VPS8: variants seen among roughly 807,000 people sequenced by gnomAD.
VPS8 encodes the protein VPS8 subunit of CORVET complex.
VPS8 carries 129 observed loss-of-function variants against 216.4 expected under a neutral mutation model. The observed-to-expected ratio is 0.60, with a 90% confidence interval of 0.52 to 0.69. VPS8 has a LOEUF of 0.69. Among genes scored for constraint, VPS8 ranks in the 30% least tolerant of loss-of-function variants. The probability of loss-of-function intolerance (pLI) is 0.00; values close to 1 mark genes in which losing one functional copy is unlikely to be tolerated. For synonymous variants in VPS8, 571 were observed against 565.4 expected (o/e 1.01, Z -0.14); for missense variants, 1,531 against 1,683.5 (o/e 0.91, Z 1.59).
intron 1 of VPS8, among the ~76,000 whole-genome samples, chr3:184,820,446 C>G (rs59668850): frequency 0.034 from 5,209 of 152,244 alleles, 282 homozygotes; most frequent in African/African-American, 0.12. Context: ...CCCAAATCAT[C>G]CGGAATAACC....
At chr3:184,871,059 G>T (rs923473478) in intron 21 of VPS8, among the ~76,000 whole-genome samples, 3 of 152,056 alleles carry the variant, frequency 2.0e-5, no homozygotes, top group African/African-American at 7.2e-5. Flanking sequence ...TACGTGTGAA[G>T]ATCCTTTGCT....
At chr3:184,953,498 T>A (rs1215320574) in intron 36 of VPS8, among the ~76,000 whole-genome samples, 1 of 152,168 alleles carries the variant, frequency 6.6e-6, no homozygotes, top group Admixed American at 6.5e-5. Flanking sequence ...GGCGTGACTC[T>A]CTTCAGACCC....
intron 25 of VPS8, among the ~76,000 whole-genome samples, chr3:184,906,437 T>C (rs2109022564): frequency 6.6e-6 from 1 of 152,346 alleles, no homozygotes; most frequent in Non-Finnish European, 1.5e-5. Context: ...GATATCCGTG[T>C]AGGGAAATTT....
intron 45 of VPS8, among the ~76,000 whole-genome samples, chr3:185,019,650 G>A (rs1756360074): frequency 6.6e-6 from 1 of 152,226 alleles, no homozygotes. Flanking sequence ...TTTCCACCCT[G>A]GGTGGGCCAG....
In VPS8 at chr3:184,863,065, C is replaced by T; in HGVS notation, c.1393C>T (p.Leu465=). 6.2e-7 allele frequency: 1 copy of T among 1,613,690 alleles called. No homozygotes were observed. The highest frequency in any genetic ancestry group is 8.5e-7 in the Non-Finnish European group (1 of 1,179,720). The part of the protein sequence containing the change: ...LATGGNVSQA[L]ALVGEKACYQ... Reference sequence around the variant, plus strand: ...CACTGGAGGAAATGTTAGCCAGGCACTGGTAAGGATAATCACTTATCTTGC... The same window carrying T: ...CACTGGAGGAAATGTTAGCCAGGCATTGGTAAGGATAATCACTTATCTTGC... Residue 465 remains leucine (L), a splice_region_variant and synonymous_variant, in exon 16 of 48, where the codon CTG becomes TTG. Transcript: ENST00000625842.
chr3:185,027,911 T>G (rs1757615700), intron 46 of VPS8, among the ~76,000 whole-genome samples: 1 of 152,214 alleles, frequency 6.6e-6, no homozygotes, highest in South Asian at 2.1e-4. Flanking sequence ...CTTGGGACTA[T>G]CTCTAAAATA....
chr3:184,847,420 A>G (rs544755522), intron 8 of VPS8, among the ~76,000 whole-genome samples: 5 of 152,232 alleles, frequency 3.3e-5, no homozygotes, highest in Non-Finnish European at 5.9e-5. Context: ...AGCTATTCAG[A>G]TGATTGTCAG....
At chr3:184,886,055 G>A (rs752810224) in intron 21 of VPS8, 55 bp from the exon 22 acceptor site, 30 of 1,561,808 alleles carry the variant, frequency 1.9e-5, no homozygotes, top group Non-Finnish European at 2.6e-6. Flanking sequence ...GTCATTATCA[G>A]TGGACCACTG....
chr3:184,825,831 G>T (rs571544263), intron 2 of VPS8, among the ~76,000 whole-genome samples: 1 of 152,038 alleles, frequency 6.6e-6, no homozygotes, highest in South Asian at 2.1e-4. Context: ...AACCCGGGAG[G>T]TGGAGGTTGC....
In VPS8 at chr3:185,047,633, C is replaced by T. The variant is rs149358826; in HGVS notation, c.4057-846C>T. ...ATCTCTGAATTGTAAGAAAAGCTAGCGTATACTGAGCCCTCGCCTGGTACT... is the reference window on the plus strand; with the variant it reads ...ATCTCTGAATTGTAAGAAAAGCTAGTGTATACTGAGCCCTCGCCTGGTACT... On this transcript the variant is annotated intron_variant, in intron 46 of 47. Transcript: ENST00000625842. Among the ~76,000 whole-genome samples, 36 of 152,240 alleles carry T rather than the reference C, an allele frequency of 2.4e-4. No individual in the cohort carries two copies. The East Asian group carries it at 5.6e-3, about 24-fold the overall frequency.
At chr3:185,008,947 C>T (rs954851282) in intron 45 of VPS8, among the ~76,000 whole-genome samples, 1 of 152,124 alleles carries the variant, frequency 6.6e-6, no homozygotes, top group African/African-American at 2.4e-5. Context: ...TGAGGGAAAC[C>T]TACTTTAGAT....
At chr3:184,932,729 A>G (rs1740900250) in intron 34 of VPS8, among the ~76,000 whole-genome samples, 1 of 152,178 alleles carries the variant, frequency 6.6e-6, no homozygotes. Flanking sequence ...ATGAAATCAT[A>G]CTTTATTTTC....
intron 40 of VPS8, among the ~76,000 whole-genome samples, chr3:184,977,357 CA>C (rs1749446118): frequency 1.3e-5 from 2 of 152,094 alleles, no homozygotes; most frequent in African/African-American, 4.8e-5. Context: ...AGATATTAGA[CA>C]TTTGTCAGAT....
chr3:184,919,368 C>T (rs1204932342), intron 28 of VPS8, among the ~76,000 whole-genome samples: 1 of 152,204 alleles, frequency 6.6e-6, no homozygotes, highest in Admixed American at 6.5e-5. Context: ...TTAAGTCTTT[C>T]ATCATTCTTA....
intron 36 of VPS8, among the ~76,000 whole-genome samples, chr3:184,941,510 G>A (rs2109330895): frequency 6.6e-6 from 1 of 150,666 alleles, no homozygotes; most frequent in Admixed American, 6.6e-5. Flanking sequence ...ATTAACTGAT[G>A]GAAAGATTTT....
intron 7 of VPS8, 135 bp downstream of exon 7, chr3:184,839,887 G>A (rs2108591318): frequency 7.1e-7 from 1 of 1,411,662 alleles, no homozygotes; most frequent in African/African-American, 1.5e-5. Context: ...GTAGCAGTCA[G>A]TATTTTTATA....
intron 10 of VPS8, among the ~76,000 whole-genome samples, chr3:184,851,482 T>TGTGC (rs1553837036): frequency 1.5e-4 from 23 of 152,148 alleles, no homozygotes; most frequent in Admixed American, 3.9e-4. Context: ...TGTGTGTGTG[T>TGTGC]GCGTTTATAT....
intron 21 of VPS8, among the ~76,000 whole-genome samples, chr3:184,883,253 C>G (rs920502272): frequency 6.6e-6 from 1 of 152,136 alleles, no homozygotes; most frequent in African/African-American, 2.4e-5. Flanking sequence ...TTTCATCTCA[C>G]TCTATTGTCC....
intron 21 of VPS8, among the ~76,000 whole-genome samples, chr3:184,872,290 G>T (rs1013661199): frequency 4.6e-5 from 7 of 152,084 alleles, no homozygotes; most frequent in African/African-American, 1.7e-4. Context: ...GTGTATGTGT[G>T]TGTGGAGAAT....
Sources: gnomAD v4.1 joint callset for allele counts (sites outside exome capture counted in the v4.1 genomes callset) on GRCh38, gnomAD v4.1.1 for gene constraint, MANE v1.5 for transcripts, NCBI Gene and HGNC (gene_info 2026-07-23, HGNC 2026-07-21) for gene names.